Variants in CPS1 observed in about 807,000 individuals in gnomAD.
CPS1 encodes carbamoyl-phosphate synthase 1.
Under a neutral mutation model 174.6 loss-of-function variants are expected in CPS1, and 109 were observed. That is an observed-to-expected ratio of 0.62 (90% CI 0.53 to 0.73). CPS1 has a LOEUF of 0.73. Among genes scored for constraint, CPS1 ranks in the 30% least tolerant of loss-of-function variants. The pLI, the probability that CPS1 is intolerant of heterozygous loss-of-function variation, is 0.00. For missense variants in CPS1, 1,689 were observed against 1,821.9 expected (o/e 0.93, Z 1.33); for synonymous variants, 637 against 632.0 (o/e 1.01, Z -0.12).
At chr2:210,525,668 A>C (rs970464268) in intron 1 of CPS1, among the ~76,000 whole-genome samples, 2 of 117,572 alleles carry the variant, frequency 1.7e-5, no homozygotes, top group Non-Finnish European at 3.5e-5. Context: ...GCACAGAGGA[A>C]GCTCTTGAGT....
chr2:210,551,851 T>C (rs1696739822), upstream of CPS1, among the ~76,000 whole-genome samples: 1 of 152,016 alleles, frequency 6.6e-6, no homozygotes. Flanking sequence ...CAACATGATA[T>C]CTGTCTGTCA....
intron 30 of CPS1, chr2:210,658,206 T>G: frequency 7.3e-6 from 2 of 273,382 alleles, no homozygotes; most frequent in Non-Finnish European, 1.4e-5. Context: ...CCATGTAATT[T>G]CAGGGCCTGT....
Position 210,663,149 on chromosome 2 carries a change from G to C in CPS1, c.3954G>C (p.Leu1318Phe). The change falls in exon 33 of 38, where the codon TTG becomes TTC. Residue 1318 changes from leucine (L) to phenylalanine (F), a missense_variant. Leu to Phe is a conservative substitution (Grantham distance 22). Transcript: ENST00000233072. ...CTCCCATGTTTTCCTGGCCCCGGTT[G>C]AGGGATGCTGACCCCATTCTGAGAT... ...IKAPMFSWPR[L>F]RDADPILRCE... 7.4e-6 allele frequency: 12 copies of C among 1,613,298 alleles called. No homozygotes were observed. Among genetic ancestry groups the C allele is most frequent in the Non-Finnish European group, 1.0e-5 (12 of 1,179,882 alleles).
chr2:210,557,929 T>C (rs1328965736), intron 1 of CPS1, among the ~76,000 whole-genome samples: 1 of 151,488 alleles, frequency 6.6e-6, no homozygotes, highest in Admixed American at 6.6e-5. Flanking sequence ...CATAGATTCC[T>C]GTGGCTGCCA....
At chr2:210,488,367 GC>G (rs1176726706) in intron 1 of CPS1, among the ~76,000 whole-genome samples, 1 of 152,138 alleles carries the variant, frequency 6.6e-6, no homozygotes, top group African/African-American at 2.4e-5. Flanking sequence ...CATCTCCAAA[GC>G]CATAGTTTTT....
chr2:210,504,530 C>T (rs1039962602), intron 1 of CPS1, among the ~76,000 whole-genome samples: 6 of 152,148 alleles, frequency 3.9e-5, no homozygotes, highest in Admixed American at 3.3e-4. Flanking sequence ...GTAAGTTGCT[C>T]AATGTCATGC....
chr2:210,677,996 A>G lies in CPS1; in HGVS notation c.*11A>G, dbSNP rs1701588839. The stretch of plus-strand genomic sequence containing the variant: ...GGAAAAGCAGCATAGAGATGCAGAC[A>G]CCCCAGCCCCATTATTAAATCAACC... On this transcript the variant is annotated 3_prime_UTR_variant, in exon 38 of 38. Transcript: ENST00000233072. The G allele has an allele frequency of 1.9e-6, 3 of 1,589,470 alleles. No homozygotes were observed. Among genetic ancestry groups the G allele is most frequent in the Non-Finnish European group, 2.6e-6 (3 of 1,157,596 alleles).
chr2:210,632,189 A>C (rs893422884), intron 21 of CPS1, among the ~76,000 whole-genome samples: 3 of 152,226 alleles, frequency 2.0e-5, no homozygotes, highest in African/African-American at 7.2e-5. Flanking sequence ...GTTTGATCAA[A>C]AAAACAAAAA....
At chr2:210,670,616 A>G (rs755555746) in intron 34 of CPS1, among the ~76,000 whole-genome samples, 1 of 152,204 alleles carries the variant, frequency 6.6e-6, no homozygotes, top group Non-Finnish European at 1.5e-5. Flanking sequence ...GTTAGAACTG[A>G]AAAATAGCAC....
upstream of CPS1, among the ~76,000 whole-genome samples, chr2:210,554,145 G>A (rs6745244): frequency 1.8e-5 from 2 of 108,954 alleles, no homozygotes; most frequent in South Asian, 2.9e-4. Context: ...ATATATATAT[G>A]TATATATACA....
At chr2:210,578,036 T>C (rs112649903) in intron 4 of CPS1, among the ~76,000 whole-genome samples, 1 of 152,208 alleles carries the variant, frequency 6.6e-6, no homozygotes, top group Non-Finnish European at 1.5e-5. Context: ...TTATATATAA[T>C]TTCATTTGAC....
intron 21 of CPS1, among the ~76,000 whole-genome samples, chr2:210,633,322 A>G (rs1327571513): frequency 6.6e-6 from 1 of 152,050 alleles, no homozygotes; most frequent in African/African-American, 2.4e-5. Context: ...TTTTTAATGC[A>G]CAAGGCCAAT....
intron 30 of CPS1, chr2:210,658,362 G>C (rs996004300): frequency 4.5e-6 from 2 of 442,152 alleles, no homozygotes; most frequent in Non-Finnish European, 8.4e-6. Flanking sequence ...ATTTGGCAGA[G>C]AGATAATCGT....
chr2:210,638,686 C>T (rs185255635), intron 22 of CPS1, among the ~76,000 whole-genome samples: 42 of 152,258 alleles, frequency 2.8e-4, no homozygotes, highest in African/African-American at 8.7e-4. Context: ...TCTTGTTCTC[C>T]CCCCGTTCAT....
At chr2:210,557,374 T>C (rs1055459969) in intron 1 of CPS1, among the ~76,000 whole-genome samples, 13 of 152,130 alleles carry the variant, frequency 8.5e-5, no homozygotes, top group Admixed American at 7.2e-4. Context: ...GCTTTAGCTT[T>C]TTCCTTTTCC....
At chr2:210,496,085 C>T (rs1204440997) in intron 1 of CPS1, among the ~76,000 whole-genome samples, 2 of 151,954 alleles carry the variant, frequency 1.3e-5, no homozygotes, top group Non-Finnish European at 2.9e-5. Flanking sequence ...CTATTTTTGC[C>T]AACATGCCCT....
chr2:210,642,808 T>A, intron 25 of CPS1, 143 bp downstream of exon 25: 1 of 789,472 alleles, frequency 1.3e-6, no homozygotes, highest in East Asian at 2.7e-5. Flanking sequence ...ATTGTCTTAT[T>A]TTGTAGTAAA....
intron 13 of CPS1, among the ~76,000 whole-genome samples, chr2:210,597,456 A>G (rs1048987914): frequency 7.2e-5 from 11 of 151,846 alleles, no homozygotes; most frequent in African/African-American, 2.7e-4. Flanking sequence ...TCTCTTTCAT[A>G]GTCTTGGTAT....
chr2:210,505,910 C>T (rs943837649), intron 1 of CPS1, among the ~76,000 whole-genome samples: 2 of 152,136 alleles, frequency 1.3e-5, no homozygotes, highest in Non-Finnish European at 2.9e-5. Context: ...TGGGTGGAGC[C>T]CACCGCAGCT....
Sources: gnomAD v4.1 joint callset for allele counts (sites outside exome capture counted in the v4.1 genomes callset) on GRCh38, gnomAD v4.1.1 for gene constraint, MANE v1.5 for transcripts, NCBI Gene and HGNC (gene_info 2026-07-23, HGNC 2026-07-21) for gene names.